STK32A: variants seen among roughly 807,000 people sequenced by gnomAD.
STK32A encodes the protein serine/threonine kinase 32A.
In STK32A, 41 loss-of-function variants were observed where a neutral mutation model predicts 53.2. The ratio of observed to expected loss-of-function variants is 0.77; its 90% CI spans 0.60 to 1.00. STK32A has a LOEUF of 1.00. STK32A is among the 50% of genes least tolerant of loss of function. The pLI is 0.00. For synonymous variants in STK32A, 166 were observed against 162.8 expected (o/e 1.02, Z -0.15); for missense variants, 458 against 485.8 (o/e 0.94, Z 0.54).
intron 2 of STK32A, among the ~76,000 whole-genome samples, chr5:147,243,249 T>C (rs1283231356): frequency 8.3e-6 from 1 of 120,622 alleles, no homozygotes; most frequent in Non-Finnish European, 1.8e-5. Context: ...TTCTCTCTTA[T>C]GGAAAAAGTG....
At chr5:147,248,990 A>G (rs1753868168) in intron 2 of STK32A, among the ~76,000 whole-genome samples, 1 of 152,162 alleles carries the variant, frequency 6.6e-6, no homozygotes, top group Non-Finnish European at 1.5e-5. Flanking sequence ...AACTAATATC[A>G]TGGCATCAGA....
the STK32A span, among the ~76,000 whole-genome samples, chr5:147,394,854 T>C: frequency 6.6e-6 from 1 of 152,210 alleles, no homozygotes; most frequent in Non-Finnish European, 1.5e-5. Flanking sequence ...CCTTTCCTCA[T>C]ATGCTGTAAT....
chr5:147,337,779 G>A (rs1308722705), intron 5 of STK32A, among the ~76,000 whole-genome samples: 1 of 152,092 alleles, frequency 6.6e-6, no homozygotes, highest in Non-Finnish European at 1.5e-5. Flanking sequence ...GGCAGGAATT[G>A]AGGATATGAG....
intron 9 of STK32A, among the ~76,000 whole-genome samples, chr5:147,371,705 A>G (rs144198050): frequency 2.6e-5 from 4 of 152,320 alleles, no homozygotes; most frequent in Non-Finnish European, 4.4e-5. Flanking sequence ...TGATCAATGG[A>G]CTTATCTTAT....
intron 6 of STK32A, among the ~76,000 whole-genome samples, chr5:147,344,938 A>C (rs1436350569): frequency 6.6e-6 from 1 of 152,198 alleles, no homozygotes; most frequent in Non-Finnish European, 1.5e-5. Context: ...TCTATCATTA[A>C]GGCATCCTAT....
chr5:147,366,343 T>G (rs1367828564), intron 8 of STK32A, among the ~76,000 whole-genome samples: 2 of 152,222 alleles, frequency 1.3e-5, no homozygotes, highest in East Asian at 3.8e-4. Flanking sequence ...TTGAAATCAC[T>G]AAATGAAGTT....
intron 5 of STK32A, among the ~76,000 whole-genome samples, chr5:147,339,902 C>T (rs1755322043): frequency 6.6e-6 from 1 of 152,192 alleles, no homozygotes; most frequent in Non-Finnish European, 1.5e-5. Context: ...TTTACAGGCT[C>T]ATAGGCAGAA....
intron 2 of STK32A, among the ~76,000 whole-genome samples, chr5:147,243,715 T>G (rs1157676808): frequency 2.2e-5 from 3 of 137,772 alleles, no homozygotes; most frequent in African/African-American, 8.3e-5. Flanking sequence ...CACTCCAGCC[T>G]GGCAACAGAG....
intron 4 of STK32A, among the ~76,000 whole-genome samples, chr5:147,288,853 C>A (rs1752467763): frequency 6.6e-6 from 1 of 152,142 alleles, no homozygotes; most frequent in African/African-American, 2.4e-5. Context: ...TTTACTTCAT[C>A]ATTTTTAAGT....
At chr5:147,329,263 T>C (rs1754746807) in intron 5 of STK32A, among the ~76,000 whole-genome samples, 2 of 152,336 alleles carry the variant, frequency 1.3e-5, no homozygotes, top group South Asian at 4.1e-4. Flanking sequence ...CTGTATAAGA[T>C]GCAGATAGAA....
At chr5:147,305,558 A>G (rs1753365789) in intron 4 of STK32A, among the ~76,000 whole-genome samples, 5 of 152,152 alleles carry the variant, frequency 3.3e-5, no homozygotes, top group Admixed American at 3.3e-4. Flanking sequence ...AGCCAACTCC[A>G]CATGGTGGGA....
rs369529449 is a variant in STK32A at position 147,358,683 on chromosome 5, G to A, written c.563-2834G>A. Reference sequence around the variant, plus strand: ...AGACACCAAAGAATACAAGGAATACGATTTGATTTAATAGGATTTAATTTA... The same window carrying A: ...AGACACCAAAGAATACAAGGAATACAATTTGATTTAATAGGATTTAATTTA... On this transcript the variant is annotated intron_variant, in intron 7 of 12. Transcript: ENST00000397936. 4.6e-5 allele frequency among the ~76,000 whole-genome samples: 7 copies of A among 152,056 alleles called. No individual in the cohort carries two copies. The East Asian group carries it at 5.8e-4, about 13-fold the overall frequency.
At chr5:147,401,865 C>A in the STK32A span, 1 of 665,570 alleles carries the variant, frequency 1.5e-6, no homozygotes, top group Non-Finnish European at 2.3e-6. Context: ...TTCCTATCTG[C>A]TAAATGTGAC....
intron 2 of STK32A, among the ~76,000 whole-genome samples, chr5:147,273,982 C>T (rs957673742): frequency 2.0e-5 from 3 of 152,184 alleles, no homozygotes; most frequent in South Asian, 2.1e-4. Context: ...ATCCCTCATA[C>T]ATATAGAATG....
intron 6 of STK32A, chr5:147,348,887 G>C: frequency 1.6e-6 from 1 of 611,550 alleles, no homozygotes; most frequent in Non-Finnish European, 3.0e-6. Flanking sequence ...ATAACCTCTT[G>C]AGAAGACTAT....
intron 4 of STK32A, among the ~76,000 whole-genome samples, chr5:147,289,688 T>C (rs1752512145): frequency 6.6e-6 from 1 of 152,036 alleles, no homozygotes; most frequent in African/African-American, 2.4e-5. Context: ...ATTTGAAAAC[T>C]CTTCTGCTCA....
At chr5:147,274,748 T>A (rs6580456) in intron 2 of STK32A, among the ~76,000 whole-genome samples, 82,637 of 151,984 alleles carry the variant, frequency 0.54, 22,963 homozygotes, top group African/African-American at 0.65. Context: ...CCTCATGAAG[T>A]ATATATTATT....
rs560850950 is a variant in STK32A, at chr5:147,374,887, G to T, written c.904-203G>T. On this transcript the variant is annotated intron_variant, in intron 10 of 12. Transcript: ENST00000397936. ...TCGGCTTTTGTTTTTACTCATTGAG[G>T]CCTAATTGAGAGTTTAGAAAAATAA... is the stretch of plus-strand genomic sequence containing the variant. Among the ~76,000 whole-genome samples, 4 of 152,214 alleles carry T rather than the reference G, an allele frequency of 2.6e-5. No individual in the cohort carries two copies. The South Asian group carries it at 8.3e-4, about 32-fold the overall frequency.
chr5:147,358,175 T>C (rs1756342527), intron 7 of STK32A, among the ~76,000 whole-genome samples: 1 of 152,054 alleles, frequency 6.6e-6, no homozygotes, highest in African/African-American at 2.4e-5. Flanking sequence ...ATTTAATAAA[T>C]ATATTAAAAT....
Sources: allele counts gnomAD v4.1 joint callset (sites outside exome capture counted in the v4.1 genomes callset), GRCh38; gene constraint gnomAD v4.1.1; transcripts MANE v1.5; gene names NCBI Gene and HGNC (gene_info 2026-07-23, HGNC 2026-07-21).